SLC16A5: variants seen among roughly 807,000 people sequenced by gnomAD.
SLC16A5 encodes the protein solute carrier family 16 member 5, also known as monocarboxylate transporter 6.
A neutral mutation model predicts 33.2 loss-of-function variants in SLC16A5; 29 were observed. The observed-to-expected ratio is 0.87, with a 90% confidence interval of 0.65 to 1.19. The LOEUF is 1.19. Ranked by LOEUF, SLC16A5 falls within the 50% of genes most tolerant of loss-of-function variation. The pLI is 0.00. For missense variants in SLC16A5, 606 were observed against 678.2 expected (o/e 0.89, Z 1.18); for synonymous variants, 248 against 284.1 (o/e 0.87, Z 1.28).
intron 3 of SLC16A5, 44 bp downstream of exon 3, chr17:75,093,879 GCGGGGAAGC>G: frequency 1.1e-5 from 17 of 1,583,674 alleles, no homozygotes; most frequent in Non-Finnish European, 1.5e-5. Context: ...CCTAGGGGTT[GCGGGGAAGC>G]CACAACCTCC....
In SLC16A5 at chr17:75,102,837, AT is replaced by A. The variant is rs569469983; in HGVS notation, c.1154-1129del. ...AACCTCTGCCTCCCAGGTTCAAGCA[AT>A]TTTCCTGCCTCCTCTTCCCTAGTAG... On this transcript the variant is annotated intron_variant, in intron 5 of 6. Coordinates refer to ENST00000329783, the MANE Select transcript of SLC16A5 (RefSeq NM_004695.4). Among the ~76,000 whole-genome samples, 437 of 151,378 alleles carry A rather than the reference AT, an allele frequency of 2.9e-3. 1 individual carries two copies. The highest frequency in any genetic ancestry group is 0.01 in the Middle Eastern group (3 of 294).
At chr17:75,093,906 T>C (rs997754623) in intron 3 of SLC16A5, 71 bp downstream of exon 3, 2 of 1,545,650 alleles carry the variant, frequency 1.3e-6, no homozygotes, top group African/African-American at 1.4e-5. Flanking sequence ...TCCCTGGCCT[T>C]CTGATTCCCT....
At chr17:75,102,027 G>A (rs1316889950) in intron 5 of SLC16A5, among the ~76,000 whole-genome samples, 2 of 152,162 alleles carry the variant, frequency 1.3e-5, no homozygotes, top group Non-Finnish European at 2.9e-5. Flanking sequence ...TCAGCATCCT[G>A]CAGAGTTTCC....
chr17:75,095,968 C>A (rs559038370), intron 3 of SLC16A5, among the ~76,000 whole-genome samples: 2 of 151,764 alleles, frequency 1.3e-5, no homozygotes, highest in East Asian at 3.9e-4. Flanking sequence ...CCATACCCAG[C>A]TAATTTTTTT....
At chr17:75,092,038 T>TGTGTGTGTGTGTGTGTGC (rs1032283966) in intron 2 of SLC16A5, among the ~76,000 whole-genome samples, 8 of 151,422 alleles carry the variant, frequency 5.3e-5, no homozygotes, top group Non-Finnish European at 1.2e-4. Context: ...GGTGTGTGTG[T>TGTGTGTGTGTGTGTGTGC]GTGTGTGTGT....
chr17:75,094,414 C>T (rs1017922760), intron 3 of SLC16A5, among the ~76,000 whole-genome samples: 12 of 152,160 alleles, frequency 7.9e-5, no homozygotes, highest in African/African-American at 2.9e-4. Context: ...TGGCCGGGCG[C>T]GATGGCTTAC....
intron 6 of SLC16A5, 184 bp from the exon 7 acceptor site, chr17:75,105,696 G>C (rs990587288): frequency 6.1e-6 from 6 of 985,434 alleles, no homozygotes; most frequent in Non-Finnish European, 7.2e-6. Flanking sequence ...AATGTTCCCT[G>C]CAGCAGGTCA....
chr17:75,110,141 A>C (rs2073897119), downstream of SLC16A5: 1 of 701,658 alleles, frequency 1.4e-6, no homozygotes, highest in Non-Finnish European at 2.3e-6. Flanking sequence ...AAATTACTGC[A>C]GAATCTGAAC....
chr17:75,102,688 C>T (rs1391750473), intron 5 of SLC16A5, among the ~76,000 whole-genome samples: 2 of 151,948 alleles, frequency 1.3e-5, no homozygotes, highest in African/African-American at 2.4e-5. Flanking sequence ...ATGGGGACTC[C>T]GTCCAAGTGT....
chr17:75,102,115 C>T (rs2073807682), intron 5 of SLC16A5, among the ~76,000 whole-genome samples: 1 of 152,142 alleles, frequency 6.6e-6, no homozygotes, highest in African/African-American at 2.4e-5. Flanking sequence ...AGCCACAGTG[C>T]CATCTGCAAA....
intron 6 of SLC16A5, chr17:75,105,203 G>A: frequency 1.0e-6 from 1 of 985,418 alleles, no homozygotes; most frequent in East Asian, 1.1e-4. Context: ...CCCCTGGCTT[G>A]GATCCTAGAA....
At chr17:75,094,302 G>A (rs573972699) in intron 3 of SLC16A5, among the ~76,000 whole-genome samples, 62 of 152,356 alleles carry the variant, frequency 4.1e-4, no homozygotes, top group African/African-American at 1.5e-3. Flanking sequence ...GCTGGGAGCT[G>A]GGAAATGTAT....
chr17:75,092,074 T>C (rs984688514), intron 2 of SLC16A5, among the ~76,000 whole-genome samples: 2 of 151,346 alleles, frequency 1.3e-5, no homozygotes, highest in African/African-American at 2.4e-5. Flanking sequence ...GATGTGCATG[T>C]CTGCACTGTG....
chr17:75,096,619 C>T (rs1259113500), intron 3 of SLC16A5, among the ~76,000 whole-genome samples: 1 of 151,504 alleles, frequency 6.6e-6, no homozygotes, highest in Non-Finnish European at 1.5e-5. Context: ...CAACCTCCAC[C>T]TCCCGGGTTC....
rs775768165 is a variant in SLC16A5, at chr17:75,105,928, T to C, written c.1413T>C (p.Leu471=). The change falls in exon 7 of 7, where the codon CTT becomes CTC. Residue 471 remains leucine, a synonymous_variant. Transcript: ENST00000329783. Reference sequence around the variant, plus strand: ...GTCCAGCTGGCGTCAATAAGCATCTTTGGGGATGTCCTGCCTCCTCCAGGA... The same window carrying C: ...GTCCAGCTGGCGTCAATAAGCATCTCTGGGGATGTCCTGCCTCCTCCAGGA... ...QPRPAGVNKH[L]WGCPASSRTS... is the part of the protein sequence containing the mutation. 5.0e-6 allele frequency: 8 copies of C among 1,611,762 alleles called. No individual in the cohort carries two copies. The highest frequency in any genetic ancestry group is 3.3e-5 in the Admixed American group (2 of 59,872).
chr17:75,093,945 G>C, intron 3 of SLC16A5, 110 bp downstream of exon 3: 1 of 1,451,940 alleles, frequency 6.9e-7, no homozygotes, highest in Middle Eastern at 2.1e-4. Context: ...TTTGCCTCCT[G>C]GGTGAATTCC....
At chr17:75,105,837 T>C in intron 6 of SLC16A5, 43 bp from the exon 7 acceptor site, 1 of 1,516,782 alleles carries the variant, frequency 6.6e-7, no homozygotes, top group Non-Finnish European at 8.9e-7. Flanking sequence ...TCAACCAGGC[T>C]CCGCAAGAAA....
chr17:75,094,547 G>A (rs759473288), intron 3 of SLC16A5, among the ~76,000 whole-genome samples: 4 of 151,922 alleles, frequency 2.6e-5, no homozygotes, highest in African/African-American at 4.8e-5. Flanking sequence ...TTAGCTGGGC[G>A]TGGTGGCGGG....
At chr17:75,104,670 C>T in intron 6 of SLC16A5, 1 of 751,416 alleles carries the variant, frequency 1.3e-6, no homozygotes, top group South Asian at 6.0e-5. Flanking sequence ...GGCTGGTCTC[C>T]AACTTCCGAC....
Sources: allele counts gnomAD v4.1 joint callset (sites outside exome capture counted in the v4.1 genomes callset), GRCh38; gene constraint gnomAD v4.1.1; transcripts MANE v1.5; gene names NCBI Gene and HGNC (gene_info 2026-07-23, HGNC 2026-07-21).